Variants in GPC1 observed in about 807,000 individuals in gnomAD.
The protein encoded by GPC1 is glypican 1.
A neutral mutation model predicts 51.5 loss-of-function variants in GPC1; 26 were observed. The ratio of observed to expected loss-of-function variants is 0.50; its 90% CI spans 0.37 to 0.70. The LOEUF (loss-of-function observed/expected upper bound fraction) is 0.70, where lower values mean the gene tolerates loss of function less well. Among genes scored for constraint, GPC1 ranks in the 30% least tolerant of loss-of-function variants. The pLI is 0.00. For missense variants in GPC1, 775 were observed against 800.5 expected, an observed-to-expected ratio of 0.97 and a Z score of 0.38; for synonymous variants, 380 against 348.3, an observed-to-expected ratio of 1.09 and a Z score of -1.01.
At chr2:240,451,578 G>C (rs181214818) in intron 1 of GPC1, 1 of 265,126 alleles carries the variant, frequency 3.8e-6, no homozygotes, top group Non-Finnish European at 7.4e-6. Flanking sequence ...CTGGGGGCAC[G>C]GCCTCTGGGG....
Position 240,464,937 on chromosome 2 carries a change from C to A in GPC1, c.1096C>A (p.Pro366Thr). The A allele has an allele frequency of 6.4e-7, 1 of 1,551,680 alleles. No individual in the cohort carries two copies. The highest frequency in any genetic ancestry group is 8.7e-7 in the Non-Finnish European group (1 of 1,147,808). Residue 366 changes from proline to threonine, a missense_variant, in exon 6 of 9, where the codon CCG (proline) becomes ACG (threonine). Physicochemically the swap from Pro to Thr is conservative, Grantham distance 38 (BLOSUM62 -1). Transcript: ENST00000264039. ...EEKRRRGKLAPRERPPSGTLE... is the reference protein window; with the variant it reads ...EEKRRRGKLATRERPPSGTLE... The stretch of plus-strand genomic sequence containing the variant: ...GAAGCGGCGCCGGGGCAAGCTGGCC[C>A]CGCGGGAGAGGCCACCTTCAGGCAC...
intron 1 of GPC1, chr2:240,457,576 A>G: frequency 2.3e-6 from 1 of 433,086 alleles, no homozygotes; most frequent in Non-Finnish European, 5.0e-6. Flanking sequence ...CGGGTAGGGC[A>G]CTGCCTGCGC....
At chr2:240,439,282 T>C (rs1035819846) in intron 1 of GPC1, among the ~76,000 whole-genome samples, 5 of 152,174 alleles carry the variant, frequency 3.3e-5, no homozygotes, top group African/African-American at 9.7e-5. Flanking sequence ...TACCTGGCTG[T>C]GCTGGGTGGG....
intron 1 of GPC1, among the ~76,000 whole-genome samples, chr2:240,443,153 G>T (rs570292738): frequency 3.3e-4 from 51 of 152,392 alleles, no homozygotes; most frequent in African/African-American, 1.2e-3. Flanking sequence ...CAGAACTGGG[G>T]TGGGGGGCAG....
chr2:240,454,779 G>C (rs962372227), intron 1 of GPC1: 1 of 155,258 alleles, frequency 6.4e-6, no homozygotes, highest in African/African-American at 2.4e-5. Context: ...CTTCTGGAGG[G>C]ATGGGCGTGG....
intron 8 of GPC1, 98 bp from the exon 9 acceptor site, chr2:240,465,960 A>G: frequency 1.4e-6 from 1 of 695,068 alleles, no homozygotes; most frequent in Non-Finnish European, 2.4e-6. Context: ...TCCACACCGA[A>G]AGGATGTTGG....
rs73102069 is a variant in GPC1 at position 240,450,572 on chromosome 2, G to A, written c.167-8458G>A. On this transcript the variant is annotated intron_variant, in intron 1 of 8. Coordinates refer to ENST00000264039, the MANE Select transcript of GPC1 (RefSeq NM_002081.3). ...CCATAGTGAGCTCTGCATCTTAGCA[G>A]GGAGACAGCTAGACCTCTGGGAACA... 5.3e-3 allele frequency: 2,489 copies of A among 470,218 alleles called. 60 individuals are homozygous for A. Among genetic ancestry groups the A allele is most frequent in the African/African-American group, 0.044 (2,227 of 50,172 alleles). 29.1% of individuals were successfully genotyped at this position (470,218 alleles called of 1,614,324 possible).
At chr2:240,443,201 TGCG>T (rs1342877535) in intron 1 of GPC1, among the ~76,000 whole-genome samples, 2 of 152,238 alleles carry the variant, frequency 1.3e-5, no homozygotes, top group African/African-American at 2.4e-5. Context: ...CAGGTTGCGT[TGCG>T]GGAGCCCAGG....
chr2:240,463,505 C>A lies in GPC1; in HGVS notation c.876C>A (p.Asn292Lys). The A allele has an allele frequency of 6.2e-7, 1 of 1,612,726 alleles. No individual in the cohort carries two copies. Among genetic ancestry groups the A allele is most frequent in the Non-Finnish European group, 8.5e-7 (1 of 1,179,832 alleles). The stretch of plus-strand genomic sequence containing the variant: ...CCGACCTGGACGCCGAGTGGAGGAA[C>A]CTCCTGGGTGAGCCCCCACCCGCGA... ...NQADLDAEWR[N>K]LLDSMVLITD... The change falls in exon 4 of 9, where the codon AAC becomes AAA. Residue 292 changes from asparagine (N) to lysine (K), a missense_variant. Coordinates refer to ENST00000264039, the MANE Select transcript of GPC1 (RefSeq NM_002081.3).
rs541996291 is a variant in GPC1 at position 240,465,607 on chromosome 2, G to A, written c.1403G>A (p.Arg468His). Reference protein sequence around the residue: ...MQLKIMTNRLRSAYNGNDVDF... With the variant: ...MQLKIMTNRLHSAYNGNDVDF... ...CTGAAGATCATGACCAACCGGCTGC[G>A]CAGCGCCTACAACGGCAACGACGTG... Residue 468 changes from arginine to histidine, a missense_variant, in exon 8 of 9, where the codon CGC (arginine) becomes CAC (histidine). By Grantham distance (29) the Arg-to-His change is conservative. Transcript: ENST00000264039. The A allele has an allele frequency of 3.1e-5, 50 of 1,612,886 alleles. No individual in the cohort carries two copies. The highest frequency in any genetic ancestry group is 2.4e-4 in the South Asian group (22 of 91,092).
intron 1 of GPC1, among the ~76,000 whole-genome samples, chr2:240,437,958 G>A (rs1286996066): frequency 3.3e-5 from 5 of 152,242 alleles, no homozygotes; most frequent in Non-Finnish European, 5.9e-5. Flanking sequence ...TTGATGTGGG[G>A]CTGGGCCAGA....
At chr2:240,455,171 G>A (rs1036890486) in intron 1 of GPC1, among the ~76,000 whole-genome samples, 1 of 152,134 alleles carries the variant, frequency 6.6e-6, no homozygotes, top group African/African-American at 2.4e-5. Flanking sequence ...CTGAGGAGCA[G>A]GAGCCTGGGA....
In GPC1 at chr2:240,464,888, C is replaced by T; in HGVS notation, c.1047C>T (p.Asn349=). The T allele has an allele frequency of 6.4e-7, 1 of 1,552,236 alleles. No individual in the cohort carries two copies. Among genetic ancestry groups the T allele is most frequent in the African/African-American group, 1.4e-5 (1 of 73,278 alleles). The change falls in exon 6 of 9, where the codon AAC becomes AAT. Residue 349 remains asparagine (N), a synonymous_variant. Transcript: ENST00000264039. ...AGGGCTGCGGGAACCCCAAGGTCAA[C>T]CCCCAGGGCCCCGGGCCTGAGGAGA... is the stretch of plus-strand genomic sequence containing the variant. ...VIQGCGNPKV[N]PQGPGPEEKR...
At chr2:240,461,868 G>A (rs1040551697) in intron 2 of GPC1, among the ~76,000 whole-genome samples, 2 of 152,066 alleles carry the variant, frequency 1.3e-5, no homozygotes, top group African/African-American at 2.4e-5. Flanking sequence ...CTCCCTGGGT[G>A]TTCTCAGGGG....
intron 1 of GPC1, chr2:240,455,989 G>A (rs1023111815): frequency 2.1e-5 from 9 of 425,408 alleles, no homozygotes; most frequent in East Asian, 1.1e-4. Flanking sequence ...CCAGCCTGCC[G>A]GGGGCTCCCA....
At chr2:240,449,507 G>T (rs1007110375) in intron 1 of GPC1, 1 of 241,716 alleles carries the variant, frequency 4.1e-6, no homozygotes, top group Non-Finnish European at 8.2e-6. Context: ...GTACACCCCA[G>T]ATATTTTTGG....
chr2:240,437,492 C>T (rs936565701), intron 1 of GPC1, among the ~76,000 whole-genome samples: 2 of 152,234 alleles, frequency 1.3e-5, no homozygotes, highest in African/African-American at 2.4e-5. Flanking sequence ...CCTCCAAAGT[C>T]CCCAGGACAG....
Position 240,449,835 on chromosome 2 carries a change from C to T in GPC1, c.167-9195C>T, listed in dbSNP as rs530898399. On this transcript the variant is annotated intron_variant, in intron 1 of 8. Transcript: ENST00000264039. Reference sequence around the variant, plus strand: ...CCTTTCGTGTCTGGCTTCTTTCACTCAGCGTCGTCCTCAAGGTTCCTCCAC... The same window carrying T: ...CCTTTCGTGTCTGGCTTCTTTCACTTAGCGTCGTCCTCAAGGTTCCTCCAC... The T allele has an allele frequency of 7.7e-4, 362 of 470,196 alleles. 5 individuals carry two copies. In the Middle Eastern group the frequency reaches 0.019, roughly 25 times the overall value. The allele number at this position is 470,196 out of a possible 1,614,324, so 29.1% of individuals were successfully genotyped here.
In GPC1 at chr2:240,467,337, C is replaced by T. The variant is rs899842494; in HGVS notation, c.*1047C>T. On this transcript the variant is annotated 3_prime_UTR_variant, in exon 9 of 9. Coordinates refer to ENST00000264039, the MANE Select transcript of GPC1 (RefSeq NM_002081.3). ...CCAGCCAGCTGCAGGGCACGGGGACCTGGATAGTTAAGGGCTTTTCCAAAC... is the reference window on the plus strand; with the variant it reads ...CCAGCCAGCTGCAGGGCACGGGGACTTGGATAGTTAAGGGCTTTTCCAAAC... The T allele has an allele frequency of 1.2e-4, 19 of 152,326 alleles. No homozygotes were observed. The highest frequency in any genetic ancestry group is 4.6e-4 in the African/African-American group (19 of 41,476). 9.4% of individuals were successfully genotyped at this position (152,326 alleles called of 1,614,324 possible).
Sources: gnomAD v4.1 joint callset for allele counts (sites outside exome capture counted in the v4.1 genomes callset) on GRCh38, gnomAD v4.1.1 for gene constraint, MANE v1.5 for transcripts, NCBI Gene and HGNC (gene_info 2026-07-23, HGNC 2026-07-21) for gene names.